Variants in TTPA observed in about 807,000 individuals in gnomAD.
TTPA encodes alpha-tocopherol transfer protein.
A neutral mutation model predicts 25.9 loss-of-function variants in TTPA; 23 were observed. The ratio of observed to expected loss-of-function variants is 0.89; its 90% CI spans 0.64 to 1.26. The LOEUF (loss-of-function observed/expected upper bound fraction) is 1.26, where lower values mean the gene tolerates loss of function less well. TTPA is among the 50% of genes most tolerant of loss of function. The pLI is 0.00. For missense variants in TTPA, 337 were observed against 353.1 expected, an observed-to-expected ratio of 0.95 and a Z score of 0.37; for synonymous variants, 148 against 137.3, an observed-to-expected ratio of 1.08 and a Z score of -0.54.
At chr8:63,077,292 A>G (rs1805578096) in intron 1 of TTPA, among the ~76,000 whole-genome samples, 1 of 152,210 alleles carries the variant, frequency 6.6e-6, no homozygotes, top group South Asian at 2.1e-4. Context: ...TACCTGGTTC[A>G]TCTCACTGGG....
chr8:63,082,469 T>C (rs1048131275), intron 1 of TTPA, among the ~76,000 whole-genome samples: 18 of 152,180 alleles, frequency 1.2e-4, no homozygotes, highest in Admixed American at 1.1e-3. Flanking sequence ...ATCCCTTCCT[T>C]ACATCTTATA....
intron 2 of TTPA, among the ~76,000 whole-genome samples, chr8:63,068,851 T>G (rs921329496): frequency 2.0e-5 from 3 of 152,194 alleles, no homozygotes; most frequent in Non-Finnish European, 2.9e-5. Flanking sequence ...GTGTTAGTGT[T>G]TTTTAAAAGC....
chr8:63,078,856 G>A lies in TTPA; in HGVS notation c.205-5768C>T, dbSNP rs377117320. The stretch of plus-strand genomic sequence containing the variant: ...AGAGAACACCACAAAGATACTCCTC[G>A]AGAAGAGCAACCCCAAGACACATAA... On this transcript the variant is annotated intron_variant, in intron 1 of 4. Coordinates refer to ENST00000260116, the MANE Select transcript of TTPA (RefSeq NM_000370.3). Among the ~76,000 whole-genome samples, 7 of 152,148 alleles carry A rather than the reference G, an allele frequency of 4.6e-5. No homozygotes were observed. In the East Asian group the frequency reaches 9.7e-4, roughly 21 times the overall value.
chr8:63,058,422 T>G (rs202026484), downstream of TTPA, among the ~76,000 whole-genome samples: 3 of 152,358 alleles, frequency 2.0e-5, no homozygotes, highest in East Asian at 5.8e-4. Context: ...ATGTGAAAGA[T>G]GTTTATTTTC....
intron 1 of TTPA, 66 bp downstream of exon 1, chr8:63,085,752 G>T (rs1805738928): frequency 1.3e-6 from 2 of 1,509,224 alleles, no homozygotes; most frequent in Non-Finnish European, 1.8e-6. Flanking sequence ...GATATCCGGG[G>T]TCGTGGGGCG....
At chr8:63,075,784 G>GAAACTGAAA (rs1805554088) in intron 1 of TTPA, among the ~76,000 whole-genome samples, 1 of 151,492 alleles carries the variant, frequency 6.6e-6, no homozygotes, top group African/African-American at 2.4e-5. Context: ...GGAGCAGAGT[G>GAAACTGAAA]GAAACTGAAA....
intron 1 of TTPA, among the ~76,000 whole-genome samples, chr8:63,077,179 AAATGGGATCCAT>A (rs1049529633): frequency 6.6e-6 from 1 of 152,250 alleles, no homozygotes; most frequent in Admixed American, 6.5e-5. Flanking sequence ...TAAAACATAA[AAATGGGATCCAT>A]TCCAAGATGG....
At chr8:63,077,511 T>C (rs1805582720) in intron 1 of TTPA, among the ~76,000 whole-genome samples, 1 of 152,234 alleles carries the variant, frequency 6.6e-6, no homozygotes, top group Admixed American at 6.5e-5. Context: ...GATTCTCTCC[T>C]GTGCATGGCT....
At chr8:63,064,150 A>G (rs562774718) in intron 4 of TTPA, 56 bp downstream of exon 4, 1 of 1,277,290 alleles carries the variant, frequency 7.8e-7, no homozygotes, top group Non-Finnish European at 1.1e-6. Flanking sequence ...CCTTAAATTA[A>G]AAAGGGTTGG....
rs1805286001 is a variant in TTPA at position 63,060,453 on chromosome 8, C to G, written c.*799G>C. On this transcript the variant is annotated 3_prime_UTR_variant, in exon 5 of 5. Coordinates refer to ENST00000260116, the MANE Select transcript of TTPA (RefSeq NM_000370.3). ...TCTATCACGGCCAGGCGCGATGGCT[C>G]ACGACTGTAATCCCAGGACTCTGGG... is the stretch of plus-strand genomic sequence containing the variant. 1 of 152,168 alleles carries G rather than the reference C, an allele frequency of 6.6e-6. No individual in the cohort carries two copies. Among genetic ancestry groups the G allele is most frequent in the South Asian group, 2.1e-4 (1 of 4,818 alleles). The allele number at this position is 152,168 out of a possible 1,614,324, so 9.4% of individuals were successfully genotyped here. A position where few individuals can be genotyped will look rare whatever the true frequency, so the allele number is the denominator to read the frequency against.
Position 63,082,752 on chromosome 8 carries a change from G to T in TTPA, c.204+3066C>A, listed in dbSNP as rs182501483. On this transcript the variant is annotated intron_variant, in intron 1 of 4. Transcript: ENST00000260116. ...TTTTGCAATCTACCCATCTGACAAA[G>T]GGCTAATATCCAGAATGTGCAAGGA... Among the ~76,000 whole-genome samples the T allele has an allele frequency of 1.3e-3, 193 of 152,242 alleles. 2 individuals are homozygous for T. The highest frequency in any genetic ancestry group is 3.9e-3 in the African/African-American group (161 of 41,538).
At chr8:63,083,575 T>G (rs889766685) in intron 1 of TTPA, among the ~76,000 whole-genome samples, 1 of 151,058 alleles carries the variant, frequency 6.6e-6, no homozygotes, top group African/African-American at 2.5e-5. Flanking sequence ...ACATGGCACA[T>G]GTATATCTAT....
chr8:63,072,265 T>TTTTG (rs150791305), intron 2 of TTPA, among the ~76,000 whole-genome samples: 3 of 152,030 alleles, frequency 2.0e-5, no homozygotes, highest in African/African-American at 4.8e-5. Flanking sequence ...TCTGGTTGTT[T>TTTTG]TTTGTTTGTT....
chr8:63,072,692 G>A (rs1199920620), intron 2 of TTPA, among the ~76,000 whole-genome samples: 2 of 152,058 alleles, frequency 1.3e-5, no homozygotes, highest in Non-Finnish European at 2.9e-5. Context: ...ATTTTCACTT[G>A]TATCTGTTAA....
At chr8:63,061,920 C>T (rs1215454210) in intron 4 of TTPA, among the ~76,000 whole-genome samples, 4 of 152,108 alleles carry the variant, frequency 2.6e-5, no homozygotes, top group African/African-American at 9.7e-5. Flanking sequence ...AGTTAAGAGA[C>T]AGCCGGGTGC....
chr8:63,066,108 T>C lies in TTPA; in HGVS notation c.359-11A>G. ...TGGGGTCCCAGTGTGCTAAAAAAAA[T>C]AAAGCATATCATATCTTAGCATTGT... On this transcript the variant is annotated splice_polypyrimidine_tract_variant and intron_variant, in intron 2 of 4. Coordinates refer to ENST00000260116, the MANE Select transcript of TTPA (RefSeq NM_000370.3). 1 of 1,493,376 alleles carries C rather than the reference T, an allele frequency of 6.7e-7. No individual in the cohort carries two copies. The highest frequency in any genetic ancestry group is 9.3e-7 in the Non-Finnish European group (1 of 1,074,582). 92.5% of individuals were successfully genotyped at this position (1,493,376 alleles called of 1,614,324 possible).
At chr8:63,065,792 T>C (rs548924240) in intron 3 of TTPA, 112 bp downstream of exon 3, 4 of 1,201,830 alleles carry the variant, frequency 3.3e-6, no homozygotes, top group African/African-American at 3.1e-5. Context: ...ATTTCCAAAA[T>C]TGTATTTAAA....
At chr8:63,064,663 GTTTAT>G (rs1805360182) in intron 3 of TTPA, among the ~76,000 whole-genome samples, 1 of 151,964 alleles carries the variant, frequency 6.6e-6, no homozygotes, top group Non-Finnish European at 1.5e-5. Context: ...CCCAAAAAAT[GTTTAT>G]TTTGAGAAAA....
At chr8:63,085,331 A>G (rs1805731750) in intron 1 of TTPA, among the ~76,000 whole-genome samples, 1 of 152,206 alleles carries the variant, frequency 6.6e-6, no homozygotes, top group Admixed American at 6.5e-5. Flanking sequence ...GTTACTAGTA[A>G]TAATACTATG....
Sources: gnomAD v4.1 joint callset for allele counts (sites outside exome capture counted in the v4.1 genomes callset) on GRCh38, gnomAD v4.1.1 for gene constraint, MANE v1.5 for transcripts, NCBI Gene and HGNC (gene_info 2026-07-23, HGNC 2026-07-21) for gene names.